CDK5RAP2: variants seen among roughly 807,000 people sequenced by gnomAD.
The protein encoded by CDK5RAP2 is CDK5 regulatory subunit associated protein 2, also known as CDK5 regulatory subunit-associated protein 2.
In CDK5RAP2, 147 loss-of-function variants were observed where a neutral mutation model predicts 232.9. The ratio of observed to expected loss-of-function variants is 0.63; its 90% CI spans 0.55 to 0.72. CDK5RAP2 has a LOEUF of 0.72. Among genes scored for constraint, CDK5RAP2 ranks in the 30% least tolerant of loss-of-function variants. The pLI is 0.00. For synonymous variants in CDK5RAP2, 833 were observed against 833.7 expected (o/e 1.00, Z 0.01); for missense variants, 2,195 against 2,231.5 (o/e 0.98, Z 0.33).
intron 21 of CDK5RAP2, among the ~76,000 whole-genome samples, chr9:120,452,438 G>A (rs1017674974): frequency 3.9e-5 from 6 of 152,036 alleles, no homozygotes; most frequent in Admixed American, 3.9e-4. Flanking sequence ...CCATTCTGAT[G>A]CTATAAAGCA....
intron 12 of CDK5RAP2, among the ~76,000 whole-genome samples, chr9:120,509,573 C>T (rs530499957): frequency 4.6e-5 from 7 of 152,158 alleles, no homozygotes; most frequent in Non-Finnish European, 1.0e-4. Context: ...GATTGCAACC[C>T]AAGTTGAGAA....
chr9:120,501,063 T>C (rs969392180), intron 12 of CDK5RAP2, among the ~76,000 whole-genome samples: 1 of 152,232 alleles, frequency 6.6e-6, no homozygotes, highest in African/African-American at 2.4e-5. Flanking sequence ...CTAGACACTT[T>C]CATAATGAGG....
chr9:120,487,205 G>A (rs2038658063), intron 14 of CDK5RAP2, 89 bp downstream of exon 14: 1 of 1,410,752 alleles, frequency 7.1e-7, no homozygotes, highest in Non-Finnish European at 1.0e-6. Flanking sequence ...GGCATTTGAG[G>A]ATCTCTAGAT....
chr9:120,472,625 T>A (rs182733766), intron 15 of CDK5RAP2, among the ~76,000 whole-genome samples: 1 of 152,148 alleles, frequency 6.6e-6, no homozygotes, highest in Admixed American at 6.5e-5. Context: ...CTGTGGTGGG[T>A]GAACCACTCA....
chr9:120,568,510 C>G, intron 2 of CDK5RAP2, 122 bp from the exon 3 acceptor site: 1 of 782,874 alleles, frequency 1.3e-6, no homozygotes, highest in Non-Finnish European at 2.3e-6. Flanking sequence ...GCGGCTGGTA[C>G]TTGCTGTCTT....
chr9:120,574,821 C>CTTTT (rs35178148), intron 1 of CDK5RAP2, among the ~76,000 whole-genome samples: 2 of 128,562 alleles, frequency 1.6e-5, no homozygotes, highest in East Asian at 4.5e-4. Context: ...TTAATGTTGC[C>CTTTT]TTTTTTTTTT....
rs587783396 is a variant in CDK5RAP2, at chr9:120,400,745, C to T, written c.5448G>A (p.Glu1816=). ...PEDGQCPLHC[E]QIGEMKAEVT... is the part of the protein sequence containing the mutation. ...TGAAACATGTGTCACCACCTACCTGCTCACAGTGAAGGGGGCACTGGCCAT... is the reference window on the plus strand; with the variant it reads ...TGAAACATGTGTCACCACCTACCTGTTCACAGTGAAGGGGGCACTGGCCAT... The change falls in exon 35 of 38, where the codon GAG becomes GAA. Residue 1816 remains glutamate (E), a synonymous_variant. Transcript: ENST00000349780. 124 of 1,613,650 alleles carry T rather than the reference C, an allele frequency of 7.7e-5. 1 individual carries two copies. In the South Asian group the frequency reaches 1.3e-3, roughly 16 times the overall value.
chr9:120,497,022 A>T (rs1009336213), intron 12 of CDK5RAP2, among the ~76,000 whole-genome samples: 2 of 135,258 alleles, frequency 1.5e-5, no homozygotes, highest in African/African-American at 6.5e-5. Flanking sequence ...GTGTCTGTGT[A>T]GAAAGAAGTA....
Position 120,568,408 on chromosome 9 carries a change from A to C in CDK5RAP2, c.128-20T>G, listed in dbSNP as rs200624304. The C allele has an allele frequency of 6.3e-6, 10 of 1,583,998 alleles. No individual in the cohort carries two copies. Among genetic ancestry groups the C allele is most frequent in the African/African-American group, 1.3e-5 (1 of 74,342 alleles). Reference sequence around the variant, plus strand: ...GGAGCACTGTAAAAAGGTAAAATAGAGGAAAACGTCACAGCATGCAAACTG... The same window carrying C: ...GGAGCACTGTAAAAAGGTAAAATAGCGGAAAACGTCACAGCATGCAAACTG... On this transcript the variant is annotated intron_variant, in intron 2 of 37. Coordinates refer to ENST00000349780, the MANE Select transcript of CDK5RAP2 (RefSeq NM_018249.6).
At chr9:120,423,425 C>G (rs544272468) in intron 25 of CDK5RAP2, among the ~76,000 whole-genome samples, 19 of 152,204 alleles carry the variant, frequency 1.2e-4, no homozygotes, top group Admixed American at 7.8e-4. Flanking sequence ...AGGATTAAAA[C>G]TAGGAAAAGG....
intron 1 of CDK5RAP2, among the ~76,000 whole-genome samples, chr9:120,579,701 T>A (rs1369237625): frequency 6.6e-6 from 1 of 152,158 alleles, no homozygotes; most frequent in Admixed American, 6.5e-5. Context: ...ACAAAGTACA[T>A]GGCGCAATGC....
At chr9:120,488,813 T>C (rs1347768515) in intron 13 of CDK5RAP2, among the ~76,000 whole-genome samples, 2 of 152,286 alleles carry the variant, frequency 1.3e-5, no homozygotes, top group East Asian at 1.9e-4. Flanking sequence ...ATCTGCATTT[T>C]AGTTTCTTAG....
chr9:120,417,231 G>A (rs1295214624), intron 27 of CDK5RAP2, among the ~76,000 whole-genome samples: 1 of 150,084 alleles, frequency 6.7e-6, no homozygotes, highest in African/African-American at 2.5e-5. Flanking sequence ...TGGCGCCCAC[G>A]GCACTGCACC....
rs1425862324 is a variant in CDK5RAP2, at chr9:120,536,538, T to C, written c.508-12A>G. ...GCGGCTGTCACATCCTAGAGTCAAA[T>C]TAAATGCATTTGATGCAATTTTTCA... On this transcript the variant is annotated splice_polypyrimidine_tract_variant and intron_variant, in intron 6 of 37. Transcript: ENST00000349780. 1 of 1,613,370 alleles carries C rather than the reference T, an allele frequency of 6.2e-7. No homozygotes were observed. Among genetic ancestry groups the C allele is most frequent in the Non-Finnish European group, 8.5e-7 (1 of 1,179,590 alleles).
At chr9:120,578,046 G>C (rs2043101421) in intron 1 of CDK5RAP2, among the ~76,000 whole-genome samples, 1 of 152,184 alleles carries the variant, frequency 6.6e-6, no homozygotes, top group African/African-American at 2.4e-5. Context: ...AAGGAGAGCA[G>C]ATCATGAGAT....
intron 3 of CDK5RAP2, among the ~76,000 whole-genome samples, chr9:120,560,153 A>G (rs948916791): frequency 3.9e-5 from 6 of 152,236 alleles, no homozygotes; most frequent in African/African-American, 1.2e-4. Flanking sequence ...GAAACAGACT[A>G]AACTACCAGA....
At position 120,407,050 on chromosome 9, in the gene CDK5RAP2, A is replaced by C. The variant is rs1588249521; in HGVS notation, c.4925T>G (p.Val1642Gly). 1 of 1,614,172 alleles carries C rather than the reference A, an allele frequency of 6.2e-7. No homozygotes were observed. Among genetic ancestry groups the C allele is most frequent in the East Asian group, 2.2e-5 (1 of 44,882 alleles). The change falls in exon 32 of 38, where the codon GTG becomes GGG. Residue 1642 changes from valine to glycine, a missense_variant. Coordinates refer to ENST00000349780, the MANE Select transcript of CDK5RAP2 (RefSeq NM_018249.6). ...EGALTLAVQA[V>G]SIPEVPLQPD... ...CTGAAGGGGCACCTCAGGGATGGACACGGCTTGGACAGCCAGAGTGAGGGC... is the reference window on the plus strand; with the variant it reads ...CTGAAGGGGCACCTCAGGGATGGACCCGGCTTGGACAGCCAGAGTGAGGGC...
chr9:120,441,776 A>G (rs924472012), intron 23 of CDK5RAP2, among the ~76,000 whole-genome samples: 2 of 152,200 alleles, frequency 1.3e-5, no homozygotes, highest in Non-Finnish European at 2.9e-5. Flanking sequence ...GACCTAAAGG[A>G]AGCATTCCTA....
In CDK5RAP2 at chr9:120,518,411, G is replaced by T; in HGVS notation, c.1311+16C>A. On this transcript the variant is annotated intron_variant, in intron 12 of 37. Coordinates refer to ENST00000349780, the MANE Select transcript of CDK5RAP2 (RefSeq NM_018249.6). ...AAGCACTGTCCACTGTGTCAGAAGG[G>T]CAGGGCGGTACTCACACGGATGGTG... is the stretch of plus-strand genomic sequence containing the variant. 1 of 1,606,524 alleles carries T rather than the reference G, an allele frequency of 6.2e-7. No homozygotes were observed. Among genetic ancestry groups the T allele is most frequent in the Non-Finnish European group, 8.5e-7 (1 of 1,174,234 alleles).
Sources: gnomAD v4.1 joint callset for allele counts (sites outside exome capture counted in the v4.1 genomes callset) on GRCh38, gnomAD v4.1.1 for gene constraint, MANE v1.5 for transcripts, NCBI Gene and HGNC (gene_info 2026-07-23, HGNC 2026-07-21) for gene names.